ITFG2: variants seen among roughly 807,000 people sequenced by gnomAD.
ITFG2 encodes the protein integrin alpha FG-GAP repeat containing 2.
ITFG2 carries 36 observed loss-of-function variants against 54.4 expected under a neutral mutation model. That is an observed-to-expected ratio of 0.66 (90% CI 0.51 to 0.87). The LOEUF (loss-of-function observed/expected upper bound fraction) is 0.87, where lower values mean the gene tolerates loss of function less well. ITFG2 is among the 40% of genes least tolerant of loss of function. The pLI is 0.00. For missense variants in ITFG2, 524 were observed against 576.7 expected, an observed-to-expected ratio of 0.91 and a Z score of 0.94; for synonymous variants, 211 against 225.4, an observed-to-expected ratio of 0.94 and a Z score of 0.57.
intron 2 of ITFG2, among the ~76,000 whole-genome samples, chr12:2,842,199 G>A (rs180952564): frequency 1.6e-5 from 2 of 126,552 alleles, no homozygotes; most frequent in South Asian, 2.4e-4. Context: ...TCGGCTCACT[G>A]CAACGTCTGC....
chr12:2,858,841 T>C, intron 3 of ITFG2: 9 of 1,614,134 alleles, frequency 5.6e-6, no homozygotes, highest in Non-Finnish European at 7.6e-6. Context: ...GGGACGTCTA[T>C]ATCTGAGGGA....
chr12:2,852,232 A>G (rs1377671551), intron 2 of ITFG2, among the ~76,000 whole-genome samples: 1 of 152,182 alleles, frequency 6.6e-6, no homozygotes, highest in Non-Finnish European at 1.5e-5. Context: ...TACAGCAGTA[A>G]ACATGTGAGA....
intron 3 of ITFG2, chr12:2,859,176 G>A: frequency 6.2e-7 from 1 of 1,608,040 alleles, no homozygotes. Flanking sequence ...GAGCTGGGAG[G>A]CAGGGTCAGA....
chr12:2,816,628 C>G (rs1333916441), intron 1 of ITFG2, among the ~76,000 whole-genome samples: 2 of 140,568 alleles, frequency 1.4e-5, no homozygotes, highest in African/African-American at 5.7e-5. Context: ...TGCGCCTGGC[C>G]TTTTTTTCTT....
chr12:2,853,654 C>T (rs1343920445), intron 2 of ITFG2, among the ~76,000 whole-genome samples: 3 of 151,798 alleles, frequency 2.0e-5, no homozygotes, highest in Non-Finnish European at 4.4e-5. Flanking sequence ...CACTCCAACT[C>T]CCCAGTGCTT....
At chr12:2,858,929 A>G (rs1393366350) in intron 3 of ITFG2, 5 of 1,613,322 alleles carry the variant, frequency 3.1e-6, no homozygotes, top group Non-Finnish European at 4.2e-6. Flanking sequence ...CAAGGGGGGG[A>G]GCACTTTGCA....
upstream of ITFG2, among the ~76,000 whole-genome samples, chr12:2,832,034 G>A (rs1195928972): frequency 6.6e-6 from 1 of 152,012 alleles, no homozygotes; most frequent in East Asian, 1.9e-4. Context: ...CTTCAGCCTG[G>A]AAGCTAAAAA....
upstream of ITFG2, among the ~76,000 whole-genome samples, chr12:2,831,901 T>A (rs957704423): frequency 6.6e-6 from 1 of 152,138 alleles, no homozygotes; most frequent in Non-Finnish European, 1.5e-5. Flanking sequence ...CTGGCCTCCA[T>A]CCTTCCTTTC....
downstream of ITFG2, chr12:2,827,036 A>G (rs143895241): frequency 4.8e-6 from 7 of 1,450,300 alleles, no homozygotes; most frequent in African/African-American, 1.0e-4. The surrounding 1 kb of genome is among the most constrained non-coding windows in gnomAD (Gnocchi z 4.0). Flanking sequence ...GCTGCTGAGA[A>G]GCAGAGAGGA....
At chr12:2,827,445 A>C, downstream of ITFG2, 2 of 1,527,158 alleles carry the variant, frequency 1.3e-6, no homozygotes, top group Non-Finnish European at 1.7e-6. The surrounding 1 kb of genome is among the most constrained non-coding windows in gnomAD (Gnocchi z 4.0). Context: ...CTCCTGTTGA[A>C]GGGGGTGACC....
At chr12:2,830,677 A>G in intron 2 of ITFG2, 1 of 1,588,818 alleles carries the variant, frequency 6.3e-7, no homozygotes, top group Non-Finnish European at 8.6e-7. Context: ...CAGGGTTGTT[A>G]ATGAAAGTGT....
rs1186832076 is a variant in ITFG2, at chr12:2,821,418, G to A, written c.793+59G>A. ...AGGGGTAGCCGTCAGTTCTGGAGGA[G>A]TGGAGATCCATAGCTTTCCCCTCAT... On this transcript the variant is annotated intron_variant, in intron 7 of 11. Transcript: ENST00000228799. The A allele has an allele frequency of 9.7e-6, 15 of 1,551,952 alleles. No homozygotes were observed. In the Middle Eastern group the frequency reaches 7.6e-4, roughly 79 times the overall value.
At chr12:2,823,352 G>A (rs2097952109) in intron 10 of ITFG2, among the ~76,000 whole-genome samples, 1 of 152,160 alleles carries the variant, frequency 6.6e-6, no homozygotes, top group Non-Finnish European at 1.5e-5. Context: ...AGGGGCCTTG[G>A]GAGGCAGCAC....
Position 2,822,823 on chromosome 12 carries a change from C to CT in ITFG2, c.978_979insT (p.Ala327CysfsTer10). ...ACGGGCATGAGGAGGTAGTTGCATG[C>CT]GCCTGGGATGGACAGACATATATCA... On this transcript the variant is annotated frameshift_variant, in exon 10 of 12. Coordinates refer to ENST00000228799, the MANE Select transcript of ITFG2 (RefSeq NM_018463.4). LOFTEE classifies it high-confidence loss of function. 1 of 1,614,136 alleles carries CT rather than the reference C, an allele frequency of 6.2e-7. No homozygotes were observed. Among genetic ancestry groups the CT allele is most frequent in the Non-Finnish European group, 8.5e-7 (1 of 1,180,002 alleles).
Position 2,822,865 on chromosome 12 carries a change from C to T in ITFG2, c.1020C>T (p.Thr340=), listed in dbSNP as rs773573315. The T allele has an allele frequency of 9.3e-6, 15 of 1,614,030 alleles. No homozygotes were observed. Among genetic ancestry groups the T allele is most frequent in the African/African-American group, 5.3e-5 (4 of 74,916 alleles). Residue 340 remains threonine (T), a synonymous_variant, in exon 10 of 12, where the codon ACC becomes ACT. Coordinates refer to ENST00000228799, the MANE Select transcript of ITFG2 (RefSeq NM_018463.4). ...CATATATCATTGATCACAACCGCAC[C>T]GTCGTCCGCTTCCAAGTGGATGAAA... is the stretch of plus-strand genomic sequence containing the variant. The part of the protein sequence containing the change: ...GQTYIIDHNR[T]VVRFQVDENI...
downstream of ITFG2, chr12:2,827,351 C>T: frequency 6.3e-7 from 1 of 1,575,988 alleles, no homozygotes; most frequent in Non-Finnish European, 8.6e-7. This position sits in a 1 kb window ranked among gnomAD's most constrained non-coding sequence, Gnocchi z 4.0. Context: ...CCACCTGCCT[C>T]CCGGCCTGCT....
intron 2 of ITFG2, among the ~76,000 whole-genome samples, chr12:2,841,775 G>A (rs1192551411): frequency 6.6e-6 from 1 of 151,862 alleles, no homozygotes; most frequent in Non-Finnish European, 1.5e-5. Flanking sequence ...CTGGAGTGCA[G>A]TGGCATGATC....
downstream of ITFG2, chr12:2,826,853 A>G (rs976457772): frequency 4.7e-6 from 2 of 422,404 alleles, no homozygotes; most frequent in South Asian, 3.0e-5. Context: ...GTATTGGGTG[A>G]TGGACAAGGA....
chr12:2,847,663 CA>C (rs76285511), intron 2 of ITFG2, among the ~76,000 whole-genome samples: 8,807 of 83,022 alleles, frequency 0.11, 396 homozygotes, highest in African/African-American at 0.23. Context: ...TAAGACTGTC[CA>C]AAAAAAAAAA....
Sources: gnomAD v4.1 joint callset for allele counts (sites outside exome capture counted in the v4.1 genomes callset) on GRCh38, gnomAD v4.1.1 for gene constraint, Gnocchi (gnomAD v3.1) non-coding constraint, MANE v1.5 for transcripts, NCBI Gene and HGNC (gene_info 2026-07-23, HGNC 2026-07-21) for gene names.